The following CASP5 variants were observed in gnomAD, a reference collection of about 807,000 sequenced individuals.
CASP5 encodes the protein caspase 5.
Under a neutral mutation model 45.2 loss-of-function variants are expected in CASP5, and 42 were observed. The ratio of observed to expected loss-of-function variants is 0.93; its 90% CI spans 0.73 to 1.20. The LOEUF is 1.20. Among genes scored for constraint, CASP5 ranks in the 50% most tolerant of loss-of-function variants. The pLI, the probability that CASP5 is intolerant of heterozygous loss-of-function variation, is 0.00. For missense variants in CASP5, 512 were observed against 532.2 expected, an observed-to-expected ratio of 0.96 and a Z score of 0.37; for synonymous variants, 209 against 186.2, an observed-to-expected ratio of 1.12 and a Z score of -1.00.
At chr11:105,016,251 A>G (rs1467136684) in intron 1 of CASP5, among the ~76,000 whole-genome samples, 1 of 152,172 alleles carries the variant, frequency 6.6e-6, no homozygotes, top group Non-Finnish European at 1.5e-5. Context: ...TGAGCTATTC[A>G]GGGTTGGGAA....
At chr11:105,022,030 A>T (rs1008795133) in intron 1 of CASP5, among the ~76,000 whole-genome samples, 20 of 151,290 alleles carry the variant, frequency 1.3e-4, no homozygotes, top group Non-Finnish European at 2.8e-4. Flanking sequence ...TGAAATTGGA[A>T]ATCATCATTC....
At chr11:105,016,515 AG>A (rs1862605294) in intron 1 of CASP5, among the ~76,000 whole-genome samples, 1 of 152,242 alleles carries the variant, frequency 6.6e-6, no homozygotes, top group East Asian at 1.9e-4. Context: ...GGGGTCAGGG[AG>A]TTCCCTTTCC....
intron 1 of CASP5, among the ~76,000 whole-genome samples, chr11:105,010,403 AATTATC>A (rs917146514): frequency 1.4e-4 from 17 of 121,392 alleles, no homozygotes; most frequent in African/African-American, 1.9e-4. Context: ...TTTAATCAGT[AATTATC>A]ATTATTATTA....
At chr11:105,020,436 G>A in intron 1 of CASP5, among the ~76,000 whole-genome samples, 1 of 149,896 alleles carries the variant, frequency 6.7e-6, no homozygotes, top group East Asian at 1.9e-4. Flanking sequence ...ATCTCCTTAA[G>A]CTGATAAGCA....
intron 2 of CASP5, among the ~76,000 whole-genome samples, chr11:105,007,545 T>C (rs1267393032): frequency 2.6e-5 from 4 of 152,138 alleles, no homozygotes; most frequent in Admixed American, 1.3e-4. Context: ...TCATTTCCTC[T>C]TAAATTTGTT....
chr11:105,006,087 A>G (rs931003558), intron 3 of CASP5, among the ~76,000 whole-genome samples: 4 of 152,186 alleles, frequency 2.6e-5, no homozygotes, highest in Non-Finnish European at 4.4e-5. Flanking sequence ...ATTTCAGTTT[A>G]AAGTCTATGG....
At chr11:105,005,978 G>T (rs1208781380) in intron 3 of CASP5, among the ~76,000 whole-genome samples, 1 of 152,148 alleles carries the variant, frequency 6.6e-6, no homozygotes, top group Non-Finnish European at 1.5e-5. Context: ...CACAGAGAAG[G>T]GGAGTTTATT....
chr11:105,010,095 C>G (rs554106075), intron 1 of CASP5, among the ~76,000 whole-genome samples: 1 of 150,530 alleles, frequency 6.6e-6, no homozygotes, highest in Non-Finnish European at 1.5e-5. Flanking sequence ...AGCTTTCACA[C>G]AAAATACATT....
intron 8 of CASP5, among the ~76,000 whole-genome samples, chr11:104,996,195 G>A (rs368287749): frequency 6.6e-6 from 1 of 152,190 alleles, no homozygotes; most frequent in South Asian, 2.1e-4. Context: ...CCCCACCAAC[G>A]CTGATTCTTC....
chr11:105,017,538 C>G (rs1464204244), intron 1 of CASP5, among the ~76,000 whole-genome samples: 1 of 152,012 alleles, frequency 6.6e-6, no homozygotes, highest in African/African-American at 2.4e-5. Flanking sequence ...ATGCGATCAA[C>G]TGGAAGAAAG....
chr11:105,015,703 T>A (rs1033077665), intron 1 of CASP5, among the ~76,000 whole-genome samples: 1 of 151,956 alleles, frequency 6.6e-6, no homozygotes, highest in Non-Finnish European at 1.5e-5. Context: ...TGGCTATGAA[T>A]TTGACTTACT....
chr11:105,016,221 G>A (rs140468700), intron 1 of CASP5, among the ~76,000 whole-genome samples: 1 of 152,278 alleles, frequency 6.6e-6, no homozygotes, highest in African/African-American at 2.4e-5. Flanking sequence ...GTTAATAAAT[G>A]CCTACAGTCT....
At chr11:104,998,841 C>G (rs1261157141) in intron 7 of CASP5, 44 bp downstream of exon 7, 1 of 1,595,484 alleles carries the variant, frequency 6.3e-7, no homozygotes, top group Non-Finnish European at 8.5e-7. Context: ...TCAAAGGTGG[C>G]CTCAGCACCC....
At chr11:105,009,854 CATATATATACAT>C (rs1286796405) in intron 1 of CASP5, among the ~76,000 whole-genome samples, 13 of 132,204 alleles carry the variant, frequency 9.8e-5, no homozygotes, top group African/African-American at 2.0e-4. Context: ...TATATATACA[CATATATATACAT>C]ATATATACAC....
intron 6 of CASP5, among the ~76,000 whole-genome samples, chr11:104,999,914 A>G (rs1435544152): frequency 6.6e-6 from 1 of 152,226 alleles, no homozygotes; most frequent in Non-Finnish European, 1.5e-5. Flanking sequence ...TTCTTCAGAA[A>G]CCACATAATG....
In CASP5 at chr11:105,003,291, TAC is replaced by T. The variant is rs1430801017; in HGVS notation, c.524_525del (p.Cys175Ter). ...LCPREEFLRLCKKNHDEIYPI... is the reference protein window; with the variant it reads ...LCPREEFLRLXKKNHDEIYPI... ...CACAGCACCTCATCATGATTTTTTT[TAC>T]ACAGTCTCAGGAATTCTTCACGAGG... On this transcript the variant is annotated frameshift_variant, in exon 4 of 10. Transcript: ENST00000260315. LOFTEE classifies it high-confidence loss of function. 3.8e-6 allele frequency: 6 copies of T among 1,599,398 alleles called. No homozygotes were observed. The South Asian group carries it at 5.5e-5, about 15-fold the overall frequency.
chr11:105,018,478 A>G (rs1422984845), intron 1 of CASP5, among the ~76,000 whole-genome samples: 1 of 151,454 alleles, frequency 6.6e-6, no homozygotes, highest in Non-Finnish European at 1.5e-5. Context: ...AGCAAATGGA[A>G]AACAAAAAAA....
rs1862144538 is a variant in CASP5, at chr11:105,009,022, TAA to T, written c.8-44_8-43del. 2.5e-6 allele frequency: 4 copies of T among 1,594,786 alleles called. No individual in the cohort carries two copies. In the African/African-American group the frequency reaches 5.4e-5, roughly 22 times the overall value. On this transcript the variant is annotated intron_variant, in intron 1 of 9. Coordinates refer to ENST00000260315, the MANE Select transcript of CASP5 (RefSeq NM_004347.5). ...GACTCCTTCAACTCTGGGCACAGCTTAAAGAGTTTTGCCCTTGCTTTAGACAA... is the reference window on the plus strand; with the variant it reads ...GACTCCTTCAACTCTGGGCACAGCTTAGAGTTTTGCCCTTGCTTTAGACAA...
At position 105,000,251 on chromosome 11, in the gene CASP5, C is replaced by T; in HGVS notation, c.952+10G>A. The T allele has an allele frequency of 6.2e-7, 1 of 1,613,850 alleles. No homozygotes were observed. The highest frequency in any genetic ancestry group is 8.5e-7 in the Non-Finnish European group (1 of 1,179,708). On this transcript the variant is annotated intron_variant, in intron 6 of 9. Coordinates refer to ENST00000260315, the MANE Select transcript of CASP5 (RefSeq NM_004347.5). ...TTCAAAACTGTTAGATGTTCAGCCT[C>T]AGCACTCACCACCTCTGCAGGCCTG...
Sources: allele counts gnomAD v4.1 joint callset (sites outside exome capture counted in the v4.1 genomes callset), GRCh38; gene constraint gnomAD v4.1.1; transcripts MANE v1.5; gene names NCBI Gene and HGNC (gene_info 2026-07-23, HGNC 2026-07-21).